Variants in STK31 observed in about 807,000 individuals in gnomAD.
STK31 encodes the protein serine/threonine-protein kinase 31.
In STK31, 89 loss-of-function variants were observed where a neutral mutation model predicts 129.7. The ratio of observed to expected loss-of-function variants is 0.69; its 90% CI spans 0.58 to 0.82. The LOEUF (loss-of-function observed/expected upper bound fraction) is 0.82. Among genes scored for constraint, STK31 ranks in the 40% least tolerant of loss-of-function variants. STK31 has a pLI of 0.00. For missense variants in STK31, 1,187 were observed against 1,176.4 expected (o/e 1.01, Z -0.13); for synonymous variants, 448 against 395.3 (o/e 1.13, Z -1.58).
intron 22 of STK31, among the ~76,000 whole-genome samples, chr7:23,796,355 G>GTTT (rs34355493): frequency 2.1e-4 from 31 of 149,136 alleles, no homozygotes; most frequent in Non-Finnish European, 1.9e-4. Context: ...AACATATCAA[G>GTTT]TTTTTTTTTT....
At chr7:23,821,977 T>G (rs963900405) in intron 23 of STK31, among the ~76,000 whole-genome samples, 1 of 152,134 alleles carries the variant, frequency 6.6e-6, no homozygotes, top group African/African-American at 2.4e-5. Flanking sequence ...TTCTGGGGTT[T>G]CAATTCTATT....
intron 1 of STK31, among the ~76,000 whole-genome samples, chr7:23,711,433 A>C: frequency 7.1e-6 from 1 of 140,036 alleles, no homozygotes; most frequent in South Asian, 2.1e-4. Context: ...TGGGGGGAAA[A>C]AAAAAAAAAC....
At chr7:23,804,652 G>C (rs1792585252) in intron 22 of STK31, among the ~76,000 whole-genome samples, 1 of 152,164 alleles carries the variant, frequency 6.6e-6, no homozygotes, top group South Asian at 2.1e-4. Context: ...TGATCACCCA[G>C]TGAACCTAAC....
chr7:23,822,502 A>G (rs899756814), intron 23 of STK31, among the ~76,000 whole-genome samples: 1 of 152,152 alleles, frequency 6.6e-6, no homozygotes, highest in African/African-American at 2.4e-5. Flanking sequence ...GCGATTTACT[A>G]TATTAATCAG....
intron 16 of STK31, among the ~76,000 whole-genome samples, chr7:23,782,716 T>C (rs998851213): frequency 1.3e-5 from 2 of 152,198 alleles, no homozygotes; most frequent in African/African-American, 4.8e-5. Context: ...ATTTCAAAGT[T>C]ACTTATGTAG....
Position 23,787,977 on chromosome 7 carries a change from T to A in STK31, c.2488-3T>A. ...CACTTCTTTTATGTGTACTTATCTA[T>A]AGGAAACTTTAAAGGTCATGAAAGG... On this transcript the variant is annotated splice_region_variant and splice_polypyrimidine_tract_variant and intron_variant, in intron 20 of 23. Coordinates refer to ENST00000355870, the MANE Select transcript of STK31 (RefSeq NM_031414.5). 1 of 1,548,456 alleles carries A rather than the reference T, an allele frequency of 6.5e-7. No homozygotes were observed. Among genetic ancestry groups the A allele is most frequent in the Non-Finnish European group, 8.7e-7 (1 of 1,150,972 alleles).
At chr7:23,811,659 C>T (rs1334782340) in intron 22 of STK31, 6 of 156,892 alleles carry the variant, frequency 3.8e-5, no homozygotes, top group Non-Finnish European at 8.4e-5. Flanking sequence ...TAGCAGTGCT[C>T]GCTTATAGCA....
chr7:23,830,530 TC>T (rs1000195040), intron 23 of STK31, among the ~76,000 whole-genome samples: 1 of 152,080 alleles, frequency 6.6e-6, no homozygotes, highest in African/African-American at 2.4e-5. Context: ...ATTTTCTAAT[TC>T]CCTCTTTAAT....
At chr7:23,814,657 C>G (rs974605666) in intron 22 of STK31, among the ~76,000 whole-genome samples, 3 of 151,868 alleles carry the variant, frequency 2.0e-5, no homozygotes, top group Non-Finnish European at 2.9e-5. Flanking sequence ...ATATGTGGGA[C>G]TCAGAATACC....
chr7:23,779,823 A>C (rs1052869314), intron 15 of STK31, among the ~76,000 whole-genome samples: 2 of 152,008 alleles, frequency 1.3e-5, no homozygotes, highest in Admixed American at 6.6e-5. Flanking sequence ...CCTGGCTTCA[A>C]CCCTCTTTTC....
rs1185909944 is a variant in STK31, at chr7:23,761,051, G to C, written c.1294-1750G>C. On this transcript the variant is annotated intron_variant, in intron 10 of 23. Transcript: ENST00000355870. ...GTTTTTCCATTGAAACCACACTATT[G>C]ATATTAAAATACTTCTTAATGTATT... Among the ~76,000 whole-genome samples the C allele has an allele frequency of 6.6e-5, 10 of 152,180 alleles. No homozygotes were observed. In the East Asian group the frequency reaches 1.9e-3, roughly 29 times the overall value.
chr7:23,769,574 A>G (rs1235615201), intron 12 of STK31, 66 bp from the exon 13 acceptor site: 7 of 1,100,788 alleles, frequency 6.4e-6, no homozygotes, highest in Non-Finnish European at 9.6e-6. Flanking sequence ...TGCTTCAGGT[A>G]TTAAGGCACG....
intron 1 of STK31, chr7:23,710,752 CAGTGCCTTCATAATCAGGGCA>C: frequency 7.6e-6 from 8 of 1,047,798 alleles, no homozygotes; most frequent in Non-Finnish European, 9.2e-6. Context: ...GGTACGGCAT[CAGTGCCTTCATAATCAGGGCA>C]AGTCATTTTA....
chr7:23,799,605 TA>T (rs142858986), intron 22 of STK31, among the ~76,000 whole-genome samples: 10,381 of 152,138 alleles, frequency 0.068, 370 homozygotes, highest in East Asian at 0.13. Flanking sequence ...CAAGATGCAT[TA>T]AAGACTTAAG....
At chr7:23,717,363 G>C in intron 3 of STK31, 118 bp from the exon 4 acceptor site, 2 of 570,362 alleles carry the variant, frequency 3.5e-6, no homozygotes, top group Non-Finnish European at 5.9e-6. Flanking sequence ...GGCATAAGAA[G>C]TTGATTTAAT....
intron 22 of STK31, among the ~76,000 whole-genome samples, chr7:23,809,855 G>A (rs986147068): frequency 3.3e-5 from 5 of 152,110 alleles, no homozygotes; most frequent in African/African-American, 1.2e-4. Flanking sequence ...GCCTAGGTGT[G>A]TGGTAGGATA....
Position 23,783,461 on chromosome 7 carries a change from G to A in STK31, c.2068-122G>A, listed in dbSNP as rs958087610. On this transcript the variant is annotated intron_variant, in intron 16 of 23. Coordinates refer to ENST00000355870, the MANE Select transcript of STK31 (RefSeq NM_031414.5). ...TTTCTTGAAGTAGAAGGCAAAATCA[G>A]TGATTATGTATCTTACTGGATATGT... The A allele has an allele frequency of 1.5e-5, 9 of 599,298 alleles. No individual in the cohort carries two copies. The East Asian group carries it at 2.5e-4, about 17-fold the overall frequency. 37.1% of individuals were successfully genotyped at this position (599,298 alleles called of 1,614,324 possible).
At chr7:23,763,005 A>C (rs1789564066) in intron 11 of STK31, 82 bp downstream of exon 11, 1 of 1,271,522 alleles carries the variant, frequency 7.9e-7, no homozygotes, top group Non-Finnish European at 1.0e-6. Context: ...TTAAGACTTT[A>C]GATTGTTCTG....
rs1324880962 is a variant in STK31 at position 23,820,915 on chromosome 7, A to G, written c.2829+5703A>G. ...TTATATTTCTTTAATAGTGTTCCAC[A>G]TTGTCTTTTTCCATTTGTCCATTGA... is the stretch of plus-strand genomic sequence containing the variant. On this transcript the variant is annotated intron_variant, in intron 23 of 23. Transcript: ENST00000355870. 2.6e-5 allele frequency among the ~76,000 whole-genome samples: 4 copies of G among 152,146 alleles called. 1 individual carries two copies. Among genetic ancestry groups the G allele is most frequent in the Non-Finnish European group, 5.9e-5 (4 of 68,014 alleles).
Sources: gnomAD v4.1 joint callset for allele counts (sites outside exome capture counted in the v4.1 genomes callset) on GRCh38, gnomAD v4.1.1 for gene constraint, MANE v1.5 for transcripts, NCBI Gene and HGNC (gene_info 2026-07-23, HGNC 2026-07-21) for gene names.